Variants in AADAC observed in about 807,000 individuals in gnomAD.
AADAC encodes the protein arylacetamide deacetylase.
A neutral mutation model predicts 22.7 loss-of-function variants in AADAC; 17 were observed. That is an observed-to-expected ratio of 0.75 (90% CI 0.51 to 1.12). The LOEUF (loss-of-function observed/expected upper bound fraction) is 1.12. AADAC is among the 50% of genes most tolerant of loss of function. The pLI is 0.00. For missense variants in AADAC, 465 were observed against 473.9 expected, an observed-to-expected ratio of 0.98 and a Z score of 0.17; for synonymous variants, 167 against 176.3, an observed-to-expected ratio of 0.95 and a Z score of 0.42.
At chr3:151,824,283 G>A (rs1313660536) in intron 3 of AADAC, among the ~76,000 whole-genome samples, 1 of 151,954 alleles carries the variant, frequency 6.6e-6, no homozygotes, top group African/African-American at 2.4e-5. Flanking sequence ...CAATGTGAAT[G>A]AGGCTCAAAA....
intron 3 of AADAC, among the ~76,000 whole-genome samples, chr3:151,823,816 C>A (rs1441952582): frequency 1.3e-5 from 2 of 152,084 alleles, no homozygotes; most frequent in African/African-American, 2.4e-5. Context: ...CTAGAATATT[C>A]ATAGCAGCAC....
intron 3 of AADAC, among the ~76,000 whole-genome samples, chr3:151,821,050 G>A (rs903330132): frequency 6.6e-6 from 1 of 151,468 alleles, no homozygotes; most frequent in Admixed American, 6.6e-5. Flanking sequence ...TTACCTGGAC[G>A]GTATTTCCTT....
At chr3:151,820,684 A>ATTTTTTTTTTTTTTTTTTTTTTT (rs201359958) in intron 3 of AADAC, among the ~76,000 whole-genome samples, 1 of 88,444 alleles carries the variant, frequency 1.1e-5, no homozygotes, top group African/African-American at 4.0e-5. Flanking sequence ...CACCCGGCTA[A>ATTTTTTTTTTTTTTTTTTTTTTT]TTTTTTTATT....
At position 151,817,509 on chromosome 3, in the gene AADAC, T is replaced by C. The variant is rs1018735306; in HGVS notation, c.282T>C (p.Tyr94=). Residue 94 remains tyrosine (Y), a synonymous_variant, in exon 2 of 5, where the codon TAT becomes TAC. Coordinates refer to ENST00000232892, the MANE Select transcript of AADAC (RefSeq NM_001086.3). ...TCAACAACATTCTTGTTCGGGTATA[T>C]GTGCCAAAGAGAAAGTCTGAAGCAC... ...TKFNNILVRV[Y]VPKRKSEALR... 1.9e-6 allele frequency: 3 copies of C among 1,613,720 alleles called. No individual in the cohort carries two copies. Among genetic ancestry groups the C allele is most frequent in the African/African-American group, 2.7e-5 (2 of 74,924 alleles).
intron 1 of AADAC, among the ~76,000 whole-genome samples, chr3:151,817,163 G>A (rs1716023619): frequency 6.6e-6 from 1 of 152,002 alleles, no homozygotes. Flanking sequence ...TTCCTTCACA[G>A]TGTATTCCCT....
chr3:151,824,913 G>GCATTCATATTTTAATA, intron 4 of AADAC, 79 bp downstream of exon 4: 1 of 1,155,190 alleles, frequency 8.7e-7, no homozygotes, highest in Non-Finnish European at 1.1e-6. Flanking sequence ...CATATTGAAT[G>GCATTCATATTTTAATA]CATGTATTAA....
At chr3:151,815,839 C>CT (rs528438468) in intron 1 of AADAC, among the ~76,000 whole-genome samples, 1 of 151,708 alleles carries the variant, frequency 6.6e-6, no homozygotes, top group Non-Finnish European at 1.5e-5. Flanking sequence ...TGGTTTGTCC[C>CT]TTTTTTCCTG....
rs112939905 is a variant in AADAC, at chr3:151,825,149, A to T, written c.603+315A>T. ...CGCTCTGGGAGGCCAAGGCAAAGGG[A>T]TCACTTGAGACCAGGAGTTTGATAG... On this transcript the variant is annotated intron_variant, in intron 4 of 4. Coordinates refer to ENST00000232892, the MANE Select transcript of AADAC (RefSeq NM_001086.3). 6.4e-3 allele frequency among the ~76,000 whole-genome samples: 962 copies of T among 151,434 alleles called. 9 individuals are homozygous for T. Among genetic ancestry groups the T allele is most frequent in the African/African-American group, 0.022 (922 of 41,366 alleles).
At chr3:151,820,895 G>A (rs922580164) in intron 3 of AADAC, among the ~76,000 whole-genome samples, 2 of 150,504 alleles carry the variant, frequency 1.3e-5, no homozygotes, top group Non-Finnish European at 3.0e-5. Flanking sequence ...GTAGGCAACT[G>A]CAAGTGAGTG....
At chr3:151,826,649 A>C (rs1468084462) in intron 4 of AADAC, among the ~76,000 whole-genome samples, 5 of 152,016 alleles carry the variant, frequency 3.3e-5, no homozygotes, top group Non-Finnish European at 7.4e-5. Flanking sequence ...TTCACAATTT[A>C]AAACATATTT....
rs1397174965 is a variant in AADAC at position 151,814,223 on chromosome 3, A to G, written c.61A>G (p.Thr21Ala). The change falls in exon 1 of 5, where the codon ACG (threonine) becomes GCG (alanine). Residue 21 changes from threonine (T) to alanine (A), a missense_variant. Transcript: ENST00000232892. Reference sequence around the variant, plus strand: ...GATCCTCATAGCATATTATATTTATACGCCTCTCCCAGATAACGTTGAGGA... The same window carrying G: ...GATCCTCATAGCATATTATATTTATGCGCCTCTCCCAGATAACGTTGAGGA... ...VGILIAYYIY[T>A]PLPDNVEEPW... is the part of the protein sequence containing the mutation. The G allele has an allele frequency of 6.2e-7, 1 of 1,613,008 alleles. No individual in the cohort carries two copies. The highest frequency in any genetic ancestry group is 1.3e-5 in the African/African-American group (1 of 74,880).
In AADAC at chr3:151,820,446, C is replaced by T. The variant is rs767989503; in HGVS notation, c.425C>T (p.Ser142Leu). 2 of 1,571,822 alleles carry T rather than the reference C, an allele frequency of 1.3e-6. No homozygotes were observed. The highest frequency in any genetic ancestry group is 2.3e-5 in the South Asian group (2 of 86,094). Residue 142 changes from serine to leucine, a missense_variant, in exon 3 of 5, where the codon TCA (serine) becomes TTA (leucine). Physicochemically the swap from Ser to Leu is moderately radical, Grantham distance 145 (BLOSUM62 -2). Coordinates refer to ENST00000232892, the MANE Select transcript of AADAC (RefSeq NM_001086.3). ...TADRLDAVVV[S>L]TNYRLAPKYH... ...GACAGACTTGATGCTGTCGTCGTAT[C>T]AACCAAGTAAGAGCTGTGCTGTTTG...
rs138354008 is a variant in AADAC, at chr3:151,823,844, G to C, written c.432-819G>C. 8.0e-4 allele frequency among the ~76,000 whole-genome samples: 121 copies of C among 151,756 alleles called. 2 individuals carry two copies. In the East Asian group the frequency reaches 0.02, roughly 25 times the overall value. On this transcript the variant is annotated intron_variant, in intron 3 of 4. Coordinates refer to ENST00000232892, the MANE Select transcript of AADAC (RefSeq NM_001086.3). ...AGCAGCACTGTTTGTGCCCAAGACT[G>C]CAAGCAGCCTAAATCCCCATAACAT...
chr3:151,827,831 C>T lies in AADAC; in HGVS notation c.859C>T (p.Leu287Phe), dbSNP rs1289534848. 5 of 1,613,288 alleles carry T rather than the reference C, an allele frequency of 3.1e-6. No individual in the cohort carries two copies. The highest frequency in any genetic ancestry group is 3.4e-6 in the Non-Finnish European group (4 of 1,179,616). Residue 287 changes from leucine (L) to phenylalanine (F), a missense_variant, in exon 5 of 5, where the codon CTC becomes TTC. Physicochemically the swap from Leu to Phe is conservative, Grantham distance 22 (BLOSUM62 0). Coordinates refer to ENST00000232892, the MANE Select transcript of AADAC (RefSeq NM_001086.3). ...LFKFVNWSSL[L>F]PERFIKGHVY... Reference sequence around the variant, plus strand: ...CAAATTTGTTAATTGGAGTTCCCTGCTCCCTGAGAGGTTTATAAAAGGACA... The same window carrying T: ...CAAATTTGTTAATTGGAGTTCCCTGTTCCCTGAGAGGTTTATAAAAGGACA...
intron 2 of AADAC, among the ~76,000 whole-genome samples, chr3:151,819,160 G>A (rs1716128819): frequency 6.6e-6 from 1 of 152,004 alleles, no homozygotes; most frequent in Non-Finnish European, 1.5e-5. Flanking sequence ...ATGACTGGGA[G>A]GGTGAGAACA....
At position 151,814,419 on chromosome 3, in the gene AADAC, C is replaced by T. The variant is rs535382478; in HGVS notation, c.138+119C>T. ...ACTTATTCATCTTTTAAAATAACTGCTGTGGCCTTTGACAATGTGTTACTT... is the reference window on the plus strand; with the variant it reads ...ACTTATTCATCTTTTAAAATAACTGTTGTGGCCTTTGACAATGTGTTACTT... On this transcript the variant is annotated intron_variant, in intron 1 of 4. Transcript: ENST00000232892. 7 of 1,077,570 alleles carry T rather than the reference C, an allele frequency of 6.5e-6. No homozygotes were observed. In the Admixed American group the frequency reaches 1.8e-4, roughly 28 times the overall value. The allele number at this position is 1,077,570 out of a possible 1,614,324, so 66.8% of individuals were successfully genotyped here.
At position 151,817,456 on chromosome 3, in the gene AADAC, G is replaced by A. The variant is rs143156740; in HGVS notation, c.229G>A (p.Glu77Lys). 6.2e-6 allele frequency: 10 copies of A among 1,613,646 alleles called. No homozygotes were observed. The African/African-American group carries it at 1.3e-4, about 22-fold the overall frequency. ...TGATGAAGTCCCACCAACCTCAGAT[G>A]AAAATGTCACTGTGACTGAGACAAA... ...SFDEVPPTSDENVTVTETKFN... is the reference protein window; with the variant it reads ...SFDEVPPTSDKNVTVTETKFN... The change falls in exon 2 of 5, where the codon GAA becomes AAA. Residue 77 changes from glutamate to lysine, a missense_variant. Glu to Lys is a moderately conservative substitution (Grantham distance 56). Coordinates refer to ENST00000232892, the MANE Select transcript of AADAC (RefSeq NM_001086.3).
chr3:151,819,934 A>G (rs187102678), intron 2 of AADAC, among the ~76,000 whole-genome samples: 1 of 152,154 alleles, frequency 6.6e-6, no homozygotes, highest in Non-Finnish European at 1.5e-5. Context: ...TGTCCCATGC[A>G]GACTTAGGTG....
At chr3:151,816,823 G>A (rs1048665108) in intron 1 of AADAC, among the ~76,000 whole-genome samples, 2 of 151,908 alleles carry the variant, frequency 1.3e-5, no homozygotes, top group African/African-American at 4.8e-5. Context: ...ATGATATGGT[G>A]GCAAGACAGG....
Sources: gnomAD v4.1 joint callset for allele counts (sites outside exome capture counted in the v4.1 genomes callset) on GRCh38, gnomAD v4.1.1 for gene constraint, MANE v1.5 for transcripts, NCBI Gene and HGNC (gene_info 2026-07-23, HGNC 2026-07-21) for gene names.